CNTNAP2: variants seen among roughly 807,000 people sequenced by gnomAD.
CNTNAP2 encodes contactin associated protein 2.
In CNTNAP2, 98 loss-of-function variants were observed where a neutral mutation model predicts 155.2. That is an observed-to-expected ratio of 0.63 (90% CI 0.54 to 0.75). The LOEUF (loss-of-function observed/expected upper bound fraction) is 0.75. Among genes scored for constraint, CNTNAP2 ranks in the 30% least tolerant of loss-of-function variants. CNTNAP2 has a pLI of 0.00. For synonymous variants in CNTNAP2, 651 were observed against 631.2 expected (o/e 1.03, Z -0.47); for missense variants, 1,727 against 1,688.1 (o/e 1.02, Z -0.40).
At chr7:146,874,998 T>G (rs75708793) in intron 3 of CNTNAP2, among the ~76,000 whole-genome samples, 5,720 of 152,304 alleles carry the variant, frequency 0.038, 133 homozygotes, top group Non-Finnish European at 0.044. Context: ...ATCAACGTCA[T>G]TAACTTTGGA....
chr7:146,599,878 T>G (rs1261076748), intron 1 of CNTNAP2, among the ~76,000 whole-genome samples: 2 of 152,134 alleles, frequency 1.3e-5, no homozygotes, highest in Non-Finnish European at 2.9e-5. Context: ...AAATTAATTA[T>G]GTACTCTATG....
chr7:147,741,198 C>T (rs1207745869), intron 13 of CNTNAP2, among the ~76,000 whole-genome samples: 5 of 152,204 alleles, frequency 3.3e-5, no homozygotes, highest in Non-Finnish European at 7.3e-5. Flanking sequence ...GCAGCACTGT[C>T]TGCTATGTAA....
intron 7 of CNTNAP2, among the ~76,000 whole-genome samples, chr7:147,129,351 A>G (rs150508459): frequency 5.8e-4 from 88 of 152,308 alleles, no homozygotes; most frequent in African/African-American, 2.0e-3. Context: ...ATAAAGCTTG[A>G]TTTCCACTGC....
intron 1 of CNTNAP2, among the ~76,000 whole-genome samples, chr7:146,709,548 G>A (rs896360773): frequency 2.6e-5 from 4 of 152,198 alleles, no homozygotes; most frequent in Non-Finnish European, 5.9e-5. Flanking sequence ...ACAAAAGCAT[G>A]GATATGATTG....
At chr7:147,213,926 G>A (rs1803209743) in intron 8 of CNTNAP2, among the ~76,000 whole-genome samples, 1 of 152,106 alleles carries the variant, frequency 6.6e-6, no homozygotes, top group Non-Finnish European at 1.5e-5. Context: ...AGCTCCAAGA[G>A]AAAGAGGGCA....
At chr7:147,927,840 C>T (rs183174840) in intron 14 of CNTNAP2, among the ~76,000 whole-genome samples, 2 of 152,240 alleles carry the variant, frequency 1.3e-5, no homozygotes, top group African/African-American at 4.8e-5. Context: ...ATGGCCGAGA[C>T]CTTGACTCTG....
At chr7:146,841,919 G>A (rs1486592164) in intron 3 of CNTNAP2, among the ~76,000 whole-genome samples, 2 of 148,938 alleles carry the variant, frequency 1.3e-5, no homozygotes, top group Admixed American at 6.7e-5. Flanking sequence ...TTTTGCTCTT[G>A]TTGCCCAGGC....
intron 1 of CNTNAP2, among the ~76,000 whole-genome samples, chr7:146,353,234 T>C (rs139532353): frequency 2.2e-4 from 34 of 152,342 alleles, no homozygotes; most frequent in African/African-American, 7.2e-4. Context: ...TCCTCCTCAC[T>C]GAGTCTCATG....
Position 147,313,896 on chromosome 7 carries a change from T to C in CNTNAP2, c.1498+13606T>C, listed in dbSNP as rs1399392094. Among the ~76,000 whole-genome samples, 13 of 151,092 alleles carry C rather than the reference T, an allele frequency of 8.6e-5. No individual in the cohort carries two copies. In the South Asian group the frequency reaches 2.1e-3, roughly 24 times the overall value. On this transcript the variant is annotated intron_variant, in intron 9 of 23. Coordinates refer to ENST00000361727, the MANE Select transcript of CNTNAP2 (RefSeq NM_014141.6). ...GATATTGATTCTTCCTACCCATGAGTATGGAATGTTCTTCCATTTGTTTGT... is the reference window on the plus strand; with the variant it reads ...GATATTGATTCTTCCTACCCATGAGCATGGAATGTTCTTCCATTTGTTTGT...
At chr7:148,351,069 G>C (rs146405920) in intron 21 of CNTNAP2, among the ~76,000 whole-genome samples, 1 of 152,252 alleles carries the variant, frequency 6.6e-6, no homozygotes, top group African/African-American at 2.4e-5. Flanking sequence ...TTATTCGTGG[G>C]CAAAACAAGC....
chr7:147,999,063 C>A (rs1251189299), intron 15 of CNTNAP2, among the ~76,000 whole-genome samples: 1 of 152,078 alleles, frequency 6.6e-6, no homozygotes, highest in Non-Finnish European at 1.5e-5. Context: ...ACAATTAAAA[C>A]TTATTGTTAT....
chr7:147,604,334 G>A (rs1251795947), intron 12 of CNTNAP2, among the ~76,000 whole-genome samples: 2 of 151,774 alleles, frequency 1.3e-5, no homozygotes, highest in Non-Finnish European at 2.9e-5. Flanking sequence ...TCTGACAAAG[G>A]GCTAATATCC....
intron 1 of CNTNAP2, among the ~76,000 whole-genome samples, chr7:146,563,845 T>C (rs761758471): frequency 7.9e-5 from 12 of 152,268 alleles, no homozygotes; most frequent in Non-Finnish European, 1.5e-4. Flanking sequence ...TCAGGAAAGA[T>C]AGTAACAGTC....
intron 12 of CNTNAP2, among the ~76,000 whole-genome samples, chr7:147,603,067 T>A (rs1800986753): frequency 6.6e-6 from 1 of 151,844 alleles, no homozygotes; most frequent in Non-Finnish European, 1.5e-5. Context: ...CCACACTGAC[T>A]TCCACAATGG....
intron 1 of CNTNAP2, among the ~76,000 whole-genome samples, chr7:146,660,815 T>C (rs1196513600): frequency 6.6e-6 from 1 of 152,210 alleles, no homozygotes; most frequent in Admixed American, 6.5e-5. Flanking sequence ...AAAATAAGAA[T>C]CGTTAACTTC....
intron 3 of CNTNAP2, among the ~76,000 whole-genome samples, chr7:146,938,340 A>C (rs1796968679): frequency 6.6e-6 from 1 of 151,062 alleles, no homozygotes; most frequent in South Asian, 2.1e-4. Flanking sequence ...GTGTTTATAT[A>C]TATCTCTCTG....
intron 1 of CNTNAP2, among the ~76,000 whole-genome samples, chr7:146,687,689 A>T (rs1800625776): frequency 6.6e-6 from 1 of 152,220 alleles, no homozygotes; most frequent in Admixed American, 6.5e-5. Context: ...AATAATGAAA[A>T]TGGAAAAGTA....
intron 2 of CNTNAP2, among the ~76,000 whole-genome samples, chr7:146,796,769 T>C (rs1160367056): frequency 1.3e-5 from 2 of 151,934 alleles, no homozygotes; most frequent in African/African-American, 4.8e-5. Context: ...CTTATTCACT[T>C]TGTGGGGATT....
At chr7:146,989,484 G>T (rs959751455) in intron 3 of CNTNAP2, among the ~76,000 whole-genome samples, 5 of 152,116 alleles carry the variant, frequency 3.3e-5, no homozygotes, top group East Asian at 3.9e-4. Flanking sequence ...GTCAGGAAGA[G>T]ATCTTGTCAG....
Sources: gnomAD v4.1 joint callset for allele counts (sites outside exome capture counted in the v4.1 genomes callset) on GRCh38, gnomAD v4.1.1 for gene constraint, MANE v1.5 for transcripts, NCBI Gene and HGNC (gene_info 2026-07-23, HGNC 2026-07-21) for gene names.